The following UBE2G2 variants were observed in gnomAD, a reference collection of about 807,000 sequenced individuals.
UBE2G2 encodes the protein ubiquitin conjugating enzyme E2 G2, also known as ubiquitin-conjugating enzyme E2 G2.
Under a neutral mutation model 23.0 loss-of-function variants are expected in UBE2G2, and 10 were observed. The observed-to-expected ratio is 0.43, with a 90% CI of 0.27 to 0.74. The LOEUF (loss-of-function observed/expected upper bound fraction) is 0.74. UBE2G2 is among the 30% of genes least tolerant of loss of function. The pLI is 0.19. For missense variants in UBE2G2, 150 were observed against 218.3 expected, an observed-to-expected ratio of 0.69 and a Z score of 1.97; for synonymous variants, 86 against 81.3, an observed-to-expected ratio of 1.06 and a Z score of -0.31.
Position 44,801,639 on chromosome 21 carries a change from G to C in UBE2G2, c.43+67C>G, listed in dbSNP as rs151272835. On this transcript the variant is annotated intron_variant, in intron 1 of 5. Coordinates refer to ENST00000345496, the MANE Select transcript of UBE2G2 (RefSeq NM_003343.6). ...CCGCCAGGCTCCCTGCCCCAGCCCC[G>C]CCGGACGACGCGGGCCCGGGAGCAG... is the stretch of plus-strand genomic sequence containing the variant. 1.2e-3 allele frequency: 1,722 copies of C among 1,484,758 alleles called. 4 individuals are homozygous for C. The highest frequency in any genetic ancestry group is 1.4e-3 in the Non-Finnish European group (1,587 of 1,119,370). 92.0% of individuals were successfully genotyped at this position (1,484,758 alleles called of 1,614,324 possible).
intron 1 of UBE2G2, among the ~76,000 whole-genome samples, chr21:44,798,861 G>C (rs1051253317): frequency 2.0e-5 from 3 of 152,178 alleles, no homozygotes; most frequent in East Asian, 1.9e-4. Context: ...GAAGACTTTT[G>C]ATTTTCTTTG....
At chr21:44,775,821 T>C (rs1247505139) in intron 4 of UBE2G2, among the ~76,000 whole-genome samples, 1 of 152,212 alleles carries the variant, frequency 6.6e-6, no homozygotes, top group African/African-American at 2.4e-5. Context: ...ATTTTTTAAC[T>C]TTTTATTATG....
At position 44,797,928 on chromosome 21, in the gene UBE2G2, T is replaced by C. The variant is rs568055013; in HGVS notation, c.43+3778A>G. On this transcript the variant is annotated intron_variant, in intron 1 of 5. Coordinates refer to ENST00000345496, the MANE Select transcript of UBE2G2 (RefSeq NM_003343.6). ...CCACATCCAACCCTCTGTTCGAGTA[T>C]GAACATTGTCAGAATCAAAATGGAG... Among the ~76,000 whole-genome samples, 5 of 152,176 alleles carry C rather than the reference T, an allele frequency of 3.3e-5. No homozygotes were observed. The South Asian group carries it at 8.3e-4, about 25-fold the overall frequency.
intron 1 of UBE2G2, among the ~76,000 whole-genome samples, chr21:44,797,063 C>T (rs1046430838): frequency 6.6e-6 from 1 of 152,162 alleles, no homozygotes; most frequent in Non-Finnish European, 1.5e-5. Flanking sequence ...CTCCAAAGTC[C>T]CTCCACCGAA....
chr21:44,801,386 C>G (rs782658553), intron 1 of UBE2G2: 1 of 1,169,984 alleles, frequency 8.5e-7, no homozygotes, highest in Non-Finnish European at 1.1e-6. Context: ...GCTCTCACTG[C>G]ACGTTCTCAA....
At position 44,777,381 on chromosome 21, in the gene UBE2G2, A is replaced by C; in HGVS notation, c.162T>G (p.Phe54Leu). Residue 54 changes from phenylalanine to leucine, a missense_variant, in exon 4 of 6, where the codon TTT (phenylalanine) becomes TTG (leucine). Physicochemically the swap from Phe to Leu is conservative, Grantham distance 22. Transcript: ENST00000345496. ...CAAGTGGGAAACTCAGGATGGCAGG[A>C]AAAACACCAAACTCAAAGCAGGTGT... Reference protein sequence around the residue: ...PEDTCFEFGVFPAILSFPLDY... With the variant: ...PEDTCFEFGVLPAILSFPLDY... The C allele has an allele frequency of 6.2e-7, 1 of 1,614,118 alleles. No homozygotes were observed. Among genetic ancestry groups the C allele is most frequent in the Non-Finnish European group, 8.5e-7 (1 of 1,180,016 alleles).
rs1555960184 is a variant in UBE2G2 at position 44,773,561 on chromosome 21, A to G, written c.371T>C (p.Val124Ala). The change falls in exon 5 of 6, where the codon GTG becomes GCG. Residue 124 changes from valine to alanine, a missense_variant. Coordinates refer to ENST00000345496, the MANE Select transcript of UBE2G2 (RefSeq NM_003343.6). ...QSVEKILLSV[V>A]SMLAEPNDES... ...TCGGGCCTTACCTGCCAGCATGCTC[A>G]CCACCGACAGCAGGATCTTCTCCAC... 6.2e-7 allele frequency: 1 copy of G among 1,609,350 alleles called. No homozygotes were observed. Among genetic ancestry groups the G allele is most frequent in the South Asian group, 1.1e-5 (1 of 91,056 alleles).
chr21:44,771,274 C>A lies in UBE2G2; in HGVS notation c.*103G>T. 9.8e-7 allele frequency: 1 copy of A among 1,018,856 alleles called. No homozygotes were observed. The highest frequency in any genetic ancestry group is 1.4e-6 in the Non-Finnish European group (1 of 692,414). The allele number at this position is 1,018,856 out of a possible 1,614,324, so 63.1% of individuals were successfully genotyped here. A position where few individuals can be genotyped will look rare whatever the true frequency, so the allele number is the denominator to read the frequency against. ...AAAAGATGCCATGGTTCTTGCAAGT[C>A]TGCCTTGTTTGGTACCAGCACAGAG... On this transcript the variant is annotated 3_prime_UTR_variant, in exon 6 of 6. Transcript: ENST00000345496. This position sits in a 1 kb window ranked among gnomAD's most constrained non-coding sequence, Gnocchi z 4.6.
chr21:44,779,434 C>T (rs1022913725), intron 3 of UBE2G2, among the ~76,000 whole-genome samples: 13 of 151,970 alleles, frequency 8.6e-5, no homozygotes, highest in African/African-American at 2.9e-4. Flanking sequence ...GGAACGCCAC[C>T]GAGGGAGGCA....
chr21:44,779,675 G>A (rs1253268785), intron 3 of UBE2G2, among the ~76,000 whole-genome samples: 1 of 152,194 alleles, frequency 6.6e-6, no homozygotes, highest in African/African-American at 2.4e-5. Flanking sequence ...TGGCCACCCC[G>A]AGCCTCCTGT....
At chr21:44,801,530 G>C (rs1044842153) in intron 1 of UBE2G2, 176 bp downstream of exon 1, 7 of 1,119,514 alleles carry the variant, frequency 6.3e-6, no homozygotes, top group Admixed American at 4.3e-5. Context: ...GACTTCACGC[G>C]TGAGAGTGGG....
intron 3 of UBE2G2, among the ~76,000 whole-genome samples, chr21:44,783,154 T>C (rs960494040): frequency 6.6e-6 from 1 of 152,190 alleles, no homozygotes; most frequent in Non-Finnish European, 1.5e-5. Context: ...GAACGGCCAA[T>C]AAGCCCATTA....
intron 1 of UBE2G2, 85 bp from the exon 2 acceptor site, chr21:44,788,180 A>G (rs1438123343): frequency 7.5e-7 from 1 of 1,330,582 alleles, no homozygotes; most frequent in African/African-American, 1.5e-5. Context: ...AAAATATATA[A>G]GCCTATAAAC....
intron 1 of UBE2G2, 75 bp downstream of exon 1, chr21:44,801,631 C>G (rs1601204719): frequency 2.0e-6 from 3 of 1,474,844 alleles, no homozygotes; most frequent in Non-Finnish European, 2.7e-6. Context: ...GCTCCCTGCC[C>G]CAGCCCCGCC....
At chr21:44,779,747 A>C (rs1347375696) in intron 3 of UBE2G2, among the ~76,000 whole-genome samples, 1 of 152,174 alleles carries the variant, frequency 6.6e-6, no homozygotes, top group Non-Finnish European at 1.5e-5. Context: ...ACGCCCTCTG[A>C]TGAAAGGGCA....
chr21:44,784,831 G>A (rs1267850572), intron 3 of UBE2G2, among the ~76,000 whole-genome samples: 2 of 152,190 alleles, frequency 1.3e-5, no homozygotes, highest in African/African-American at 4.8e-5. Flanking sequence ...GTCTGGGGAG[G>A]TGACAGCAGT....
chr21:44,771,334 T>G lies in UBE2G2; in HGVS notation c.*43A>C. 2.9e-4 allele frequency: 448 copies of G among 1,566,178 alleles called. No individual in the cohort carries two copies. Among genetic ancestry groups the G allele is most frequent in the Non-Finnish European group, 3.5e-4 (402 of 1,140,602 alleles). ...CACTAAGTGTGCCGGGGGAGAATGC[T>G]GAGCTGCTTGGCGGTGTGTGCGCGC... On this transcript the variant is annotated 3_prime_UTR_variant, in exon 6 of 6. Transcript: ENST00000345496. The surrounding 1 kb of genome is among the most constrained non-coding windows in gnomAD (Gnocchi z 4.6).
chr21:44,784,986 CA>C (rs2082984169), intron 3 of UBE2G2, among the ~76,000 whole-genome samples: 1 of 152,162 alleles, frequency 6.6e-6, no homozygotes, highest in African/African-American at 2.4e-5. Context: ...TTCTGTCCCA[CA>C]TAAGTGCATC....
At chr21:44,784,687 G>A (rs992227765) in intron 3 of UBE2G2, among the ~76,000 whole-genome samples, 2 of 152,136 alleles carry the variant, frequency 1.3e-5, no homozygotes, top group African/African-American at 4.8e-5. Flanking sequence ...AGCCGCGGCA[G>A]CCTGGGAGCC....
Sources: gnomAD v4.1 joint callset for allele counts (sites outside exome capture counted in the v4.1 genomes callset) on GRCh38, gnomAD v4.1.1 for gene constraint, Gnocchi (gnomAD v3.1) non-coding constraint, MANE v1.5 for transcripts, NCBI Gene and HGNC (gene_info 2026-07-23, HGNC 2026-07-21) for gene names.